Variants in CSTPP1 observed in about 807,000 individuals in gnomAD.
CSTPP1 encodes the protein UPF0705 protein C11orf49.
At chr11:46,947,348 C>G in the CSTPP1 span, among the ~76,000 whole-genome samples, 1 of 152,134 alleles carries the variant, frequency 6.6e-6, no homozygotes, top group Admixed American at 6.5e-5. Context: ...ATAGCTCATT[C>G]TATGATTGGA....
At chr11:46,981,892 T>A in the CSTPP1 span, among the ~76,000 whole-genome samples, 2 of 152,092 alleles carry the variant, frequency 1.3e-5, no homozygotes, top group Admixed American at 1.3e-4. Context: ...CTCGTATGGA[T>A]GACAAAATGT....
the CSTPP1 span, among the ~76,000 whole-genome samples, chr11:47,122,091 A>AAATATATAT: frequency 6.8e-3 from 217 of 31,820 alleles, 3 homozygotes; most frequent in Non-Finnish European, 0.01. Flanking sequence ...AAAAAAAAAA[A>AAATATATAT]ATATATATAT....
the CSTPP1 span, among the ~76,000 whole-genome samples, chr11:47,148,459 C>T: frequency 6.6e-6 from 1 of 152,184 alleles, no homozygotes; most frequent in South Asian, 2.1e-4. Flanking sequence ...CACCACATGA[C>T]TGACACTAGT....
At chr11:47,057,245 A>G in the CSTPP1 span, among the ~76,000 whole-genome samples, 2 of 152,186 alleles carry the variant, frequency 1.3e-5, no homozygotes, top group South Asian at 2.1e-4. Flanking sequence ...TTTTCTGTAT[A>G]GGAATATTAA....
At chr11:47,163,799 C>G in the CSTPP1 span, among the ~76,000 whole-genome samples, 1 of 151,840 alleles carries the variant, frequency 6.6e-6, no homozygotes, top group East Asian at 1.9e-4. Context: ...CACCACACCG[C>G]CCCCACCCCG....
At chr11:47,158,155 C>T in the CSTPP1 span, among the ~76,000 whole-genome samples, 1 of 152,078 alleles carries the variant, frequency 6.6e-6, no homozygotes, top group Non-Finnish European at 1.5e-5. Flanking sequence ...AACATGAAAC[C>T]ACCTCCCCAT....
the CSTPP1 span, among the ~76,000 whole-genome samples, chr11:47,111,122 G>C: frequency 6.6e-6 from 1 of 151,960 alleles, no homozygotes; most frequent in Non-Finnish European, 1.5e-5. Context: ...TCGATCTCCT[G>C]ACCTCGTGAT....
chr11:47,093,911 G>T, the CSTPP1 span, among the ~76,000 whole-genome samples: 1 of 152,164 alleles, frequency 6.6e-6, no homozygotes. Flanking sequence ...GAAACCAAAT[G>T]ATGAAGAACA....
At chr11:46,993,458 G>T in the CSTPP1 span, among the ~76,000 whole-genome samples, 8 of 151,942 alleles carry the variant, frequency 5.3e-5, no homozygotes, top group East Asian at 1.5e-3. Context: ...TTTGTATAAG[G>T]TGTAAGGAAG....
chr11:47,121,065 C>T, the CSTPP1 span, among the ~76,000 whole-genome samples: 1 of 152,168 alleles, frequency 6.6e-6, no homozygotes, highest in Admixed American at 6.5e-5. Context: ...GGCATCTAAG[C>T]ATCATCTTTG....
chr11:47,153,842 C>A, the CSTPP1 span, among the ~76,000 whole-genome samples: 1 of 152,200 alleles, frequency 6.6e-6, no homozygotes, highest in African/African-American at 2.4e-5. Flanking sequence ...AGTGAGCAAT[C>A]CTGGCTTTCT....
chr11:47,163,563 C>T, the CSTPP1 span, among the ~76,000 whole-genome samples: 3 of 152,226 alleles, frequency 2.0e-5, no homozygotes, highest in Non-Finnish European at 4.4e-5. Flanking sequence ...TAAGGATTTA[C>T]ACACAAACAC....
chr11:47,161,196 T>G, the CSTPP1 span: 2 of 1,614,128 alleles, frequency 1.2e-6, no homozygotes, highest in Non-Finnish European at 1.7e-6. Context: ...CGGCTGTAAG[T>G]GTCAAGTGGG....
chr11:46,948,735 G>T, the CSTPP1 span, among the ~76,000 whole-genome samples: 3 of 152,138 alleles, frequency 2.0e-5, no homozygotes, highest in Non-Finnish European at 4.4e-5. Context: ...TAGCCCTTGG[G>T]CACCTAGACG....
At chr11:46,949,476 CT>C in the CSTPP1 span, among the ~76,000 whole-genome samples, 1 of 152,118 alleles carries the variant, frequency 6.6e-6, no homozygotes, top group Non-Finnish European at 1.5e-5. Flanking sequence ...TACAAATAGC[CT>C]TTGGAGTCTT....
the CSTPP1 span, among the ~76,000 whole-genome samples, chr11:46,973,972 C>G: frequency 1.3e-5 from 2 of 152,176 alleles, no homozygotes; most frequent in African/African-American, 2.4e-5. Context: ...CACCTGTAAT[C>G]CCAGTGCTTT....
chr11:47,152,242 CAA>C, the CSTPP1 span, among the ~76,000 whole-genome samples: 8 of 136,222 alleles, frequency 5.9e-5, no homozygotes, highest in African/African-American at 1.3e-4. Context: ...GAGCAAGACT[CAA>C]AAAAAAAAAA....
chr11:46,937,839 A>G, the CSTPP1 span, among the ~76,000 whole-genome samples: 1 of 152,182 alleles, frequency 6.6e-6, no homozygotes, highest in South Asian at 2.1e-4. Context: ...GCCCGGCCAC[A>G]ATACACATTT....
chr11:47,119,602 CTTTTTT>C, the CSTPP1 span, among the ~76,000 whole-genome samples: 1 of 61,876 alleles, frequency 1.6e-5, no homozygotes, highest in Non-Finnish European at 2.8e-5. Context: ...CTGCCCACTT[CTTTTTT>C]TTTTTTTTTT....
Sources: allele counts gnomAD v4.1 joint callset (sites outside exome capture counted in the v4.1 genomes callset), GRCh38; gene constraint gnomAD v4.1.1; transcripts MANE v1.5; gene names NCBI Gene and HGNC (gene_info 2026-07-23, HGNC 2026-07-21).